Variants in MAP2K5 observed in about 807,000 individuals in gnomAD.
MAP2K5 encodes the protein mitogen-activated protein kinase kinase 5.
Under a neutral mutation model 83.1 loss-of-function variants are expected in MAP2K5, and 49 were observed. That is an observed-to-expected ratio of 0.59 (90% confidence interval 0.47 to 0.75). The LOEUF is 0.75. Among genes scored for constraint, MAP2K5 ranks in the 30% least tolerant of loss-of-function variants. MAP2K5 has a pLI of 0.00. For synonymous variants in MAP2K5, 202 were observed against 191.8 expected, an observed-to-expected ratio of 1.05 and a Z score of -0.44; for missense variants, 457 against 557.5, an observed-to-expected ratio of 0.82 and a Z score of 1.82.
chr15:67,767,191 C>A (rs1482814289), intron 19 of MAP2K5, among the ~76,000 whole-genome samples: 1 of 152,160 alleles, frequency 6.6e-6, no homozygotes, highest in African/African-American at 2.4e-5. Context: ...ATTAACTACC[C>A]ATGCAAGATG....
rs553358490 is a variant in MAP2K5 at position 67,794,934 on chromosome 15, TATG to T, written c.1243-11706_1243-11704del. Among the ~76,000 whole-genome samples the T allele has an allele frequency of 3.9e-5, 6 of 152,244 alleles. No individual in the cohort carries two copies. The highest frequency in any genetic ancestry group is 8.8e-5 in the Non-Finnish European group (6 of 68,044). ...ATGAAATGCTTTGAAAAGTTAAAACTATGATGATAGGACTCTGAAACCTCTGAC... is the reference window on the plus strand; with the variant it reads ...ATGAAATGCTTTGAAAAGTTAAAACTATGATAGGACTCTGAAACCTCTGAC... On this transcript the variant is annotated intron_variant, in intron 21 of 21. Transcript: ENST00000178640. This position sits in a 1 kb window ranked among gnomAD's most constrained non-coding sequence, Gnocchi z 4.6.
rs780946703 is a variant in MAP2K5 at position 67,630,952 on chromosome 15, A to G, written c.585+25A>G. Reference sequence around the variant, plus strand: ...GGTAAGTACTGGATACATTTTATGAAATTCTTGATGTTCACCTCTTTCCTT... The same window carrying G: ...GGTAAGTACTGGATACATTTTATGAGATTCTTGATGTTCACCTCTTTCCTT... On this transcript the variant is annotated intron_variant, in intron 9 of 21. Coordinates refer to ENST00000178640, the MANE Select transcript of MAP2K5 (RefSeq NM_145160.3). The G allele has an allele frequency of 3.2e-6, 5 of 1,564,734 alleles. 1 individual carries two copies. Among genetic ancestry groups the G allele is most frequent in the African/African-American group, 2.7e-5 (2 of 73,692 alleles).
rs1426392083 is a variant in MAP2K5 at position 67,562,893 on chromosome 15, A to G, written c.185-390A>G. Among the ~76,000 whole-genome samples the G allele has an allele frequency of 6.6e-6, 1 of 152,068 alleles. No individual in the cohort carries two copies. The highest frequency in any genetic ancestry group is 1.5e-5 in the Non-Finnish European group (1 of 68,010). On this transcript the variant is annotated intron_variant, in intron 2 of 21. Transcript: ENST00000178640. This position sits in a 1 kb window ranked among gnomAD's most constrained non-coding sequence, Gnocchi z 4.1. ...TGAGATGATAGATTGCCTGGGAGAG[A>G]GGAAGAATGGAGAAATCGGGGTATG...
intron 8 of MAP2K5, among the ~76,000 whole-genome samples, chr15:67,605,399 G>A (rs1412010080): frequency 1.3e-5 from 2 of 152,110 alleles, no homozygotes; most frequent in East Asian, 1.9e-4. Flanking sequence ...TTATAGTTGT[G>A]TTGAACTAAC....
chr15:67,794,282 GTTCT>G lies in MAP2K5; in HGVS notation c.1243-12361_1243-12358del, dbSNP rs531373937. The stretch of plus-strand genomic sequence containing the variant: ...ATAACAGAATAGTTAAATACCACAG[GTTCT>G]TTGTGTTTTGTTTTAGAAAATATTG... On this transcript the variant is annotated intron_variant, in intron 21 of 21. Coordinates refer to ENST00000178640, the MANE Select transcript of MAP2K5 (RefSeq NM_145160.3). The surrounding 1 kb of genome is among the most constrained non-coding windows in gnomAD (Gnocchi z 4.6). Among the ~76,000 whole-genome samples, 127 of 152,284 alleles carry G rather than the reference GTTCT, an allele frequency of 8.3e-4. No homozygotes were observed. Among genetic ancestry groups the G allele is most frequent in the African/African-American group, 2.8e-3 (116 of 41,548 alleles).
intron 16 of MAP2K5, among the ~76,000 whole-genome samples, chr15:67,718,468 AAAATTTTT>A (rs2088877357): frequency 6.6e-6 from 1 of 152,162 alleles, no homozygotes; most frequent in Non-Finnish European, 1.5e-5. Flanking sequence ...TCATTTTTAA[AAAATTTTT>A]ATGGGGGCTG....
At chr15:67,607,206 C>T (rs1208753761) in intron 8 of MAP2K5, among the ~76,000 whole-genome samples, 2 of 152,190 alleles carry the variant, frequency 1.3e-5, no homozygotes, top group Non-Finnish European at 2.9e-5. Flanking sequence ...AACAAGACAT[C>T]ATCCTAATGC....
At chr15:67,631,014 G>T in intron 9 of MAP2K5, 87 bp downstream of exon 9, 1 of 1,105,470 alleles carries the variant, frequency 9.0e-7, no homozygotes, top group East Asian at 2.4e-5. Flanking sequence ...TTGTCAAAGA[G>T]GAGATGAAAT....
intron 8 of MAP2K5, among the ~76,000 whole-genome samples, chr15:67,623,545 T>C (rs1184560289): frequency 6.6e-6 from 1 of 152,204 alleles, no homozygotes; most frequent in Non-Finnish European, 1.5e-5. Flanking sequence ...TAAGTCTGTT[T>C]TGGCAGCTTT....
intron 3 of MAP2K5, among the ~76,000 whole-genome samples, chr15:67,567,656 G>T (rs1281187572): frequency 1.3e-5 from 2 of 152,050 alleles, no homozygotes; most frequent in Admixed American, 6.5e-5. Context: ...GAGCCACCGC[G>T]CCCGGCCTAA....
rs1305545221 is a variant in MAP2K5, at chr15:67,665,248, C to G, written c.847+603C>G. Among the ~76,000 whole-genome samples the G allele has an allele frequency of 1.3e-5, 2 of 152,006 alleles. No homozygotes were observed. Among genetic ancestry groups the G allele is most frequent in the Admixed American group, 1.3e-4 (2 of 15,246 alleles). On this transcript the variant is annotated intron_variant, in intron 13 of 21. Coordinates refer to ENST00000178640, the MANE Select transcript of MAP2K5 (RefSeq NM_145160.3). This position sits in a 1 kb window ranked among gnomAD's most constrained non-coding sequence, Gnocchi z 4.2. Reference sequence around the variant, plus strand: ...ATAGTCCCCTTGTCTAGTAACAGAACACATGAGAGAATAATCAGATGAGTG... The same window carrying G: ...ATAGTCCCCTTGTCTAGTAACAGAAGACATGAGAGAATAATCAGATGAGTG...
chr15:67,762,675 T>A (rs868036), intron 19 of MAP2K5, among the ~76,000 whole-genome samples: 93,750 of 151,464 alleles, frequency 0.62, 29,672 homozygotes, highest in Non-Finnish European at 0.68. Context: ...TCCAAAACAC[T>A]TTTAGGAGAA....
rs1458066731 is a variant in MAP2K5, at chr15:67,644,248, A to G, written c.586-1983A>G. On this transcript the variant is annotated intron_variant, in intron 9 of 21. Transcript: ENST00000178640. The surrounding 1 kb of genome is among the most constrained non-coding windows in gnomAD (Gnocchi z 4.6). ...GTCTGCGCTAAAAATAGAAAAATCA[A>G]CCGGGTGTGGTGGCAGGTGCCTGTA... Among the ~76,000 whole-genome samples, 1 of 151,790 alleles carries G rather than the reference A, an allele frequency of 6.6e-6. No homozygotes were observed. Among genetic ancestry groups the G allele is most frequent in the African/African-American group, 2.4e-5 (1 of 41,278 alleles).
At chr15:67,766,468 C>T (rs1438662978) in intron 19 of MAP2K5, among the ~76,000 whole-genome samples, 1 of 152,214 alleles carries the variant, frequency 6.6e-6, no homozygotes, top group Non-Finnish European at 1.5e-5. Flanking sequence ...AAATATATTT[C>T]TCCATCTTGC....
Position 67,748,449 on chromosome 15 carries a change from G to A in MAP2K5, c.1102-120G>A, listed in dbSNP as rs996804791. 3.3e-6 allele frequency: 3 copies of A among 902,458 alleles called. No individual in the cohort carries two copies. The highest frequency in any genetic ancestry group is 3.3e-5 in the African/African-American group (2 of 59,862). The allele number at this position is 902,458 out of a possible 1,614,324, so 55.9% of individuals were successfully genotyped here. On this transcript the variant is annotated intron_variant, in intron 18 of 21. Transcript: ENST00000178640. This position sits in a 1 kb window ranked among gnomAD's most constrained non-coding sequence, Gnocchi z 4.0. Reference sequence around the variant, plus strand: ...CCTGAGCATCAATGTTTTTATAAGAGTTTGCTGTTGTTGATTAATCTTGCT... The same window carrying A: ...CCTGAGCATCAATGTTTTTATAAGAATTTGCTGTTGTTGATTAATCTTGCT...
chr15:67,724,974 GGT>G lies in MAP2K5; in HGVS notation c.1045-2941_1045-2940del, dbSNP rs2089056599. Among the ~76,000 whole-genome samples, 1 of 152,182 alleles carries G rather than the reference GGT, an allele frequency of 6.6e-6. No individual in the cohort carries two copies. Among genetic ancestry groups the G allele is most frequent in the Admixed American group, 6.5e-5 (1 of 15,282 alleles). Reference sequence around the variant, plus strand: ...ATTCTCTGTCTTCTAACTCTAAAGAGGTCAGACCTGCAAGATGTCTTACAAGC... The same window carrying G: ...ATTCTCTGTCTTCTAACTCTAAAGAGCAGACCTGCAAGATGTCTTACAAGC... On this transcript the variant is annotated intron_variant, in intron 16 of 21. Coordinates refer to ENST00000178640, the MANE Select transcript of MAP2K5 (RefSeq NM_145160.3). The surrounding 1 kb of genome is among the most constrained non-coding windows in gnomAD (Gnocchi z 4.4).
At position 67,770,924 on chromosome 15, in the gene MAP2K5, T is replaced by TA. The variant is rs2090129518; in HGVS notation, c.1196+1262dup. Among the ~76,000 whole-genome samples, 1 of 152,182 alleles carries TA rather than the reference T, an allele frequency of 6.6e-6. No individual in the cohort carries two copies. The highest frequency in any genetic ancestry group is 2.4e-5 in the African/African-American group (1 of 41,442). ...ACTGTTTCTATTTATTTAAAATACT[T>TA]ATATAATATTGTGTAGCTTTTAAAA... is the stretch of plus-strand genomic sequence containing the variant. On this transcript the variant is annotated intron_variant, in intron 20 of 21. Transcript: ENST00000178640. The surrounding 1 kb of genome is among the most constrained non-coding windows in gnomAD (Gnocchi z 5.0).
At chr15:67,614,270 T>C (rs1264357573) in intron 8 of MAP2K5, among the ~76,000 whole-genome samples, 4 of 152,196 alleles carry the variant, frequency 2.6e-5, no homozygotes, top group Admixed American at 2.0e-4. Flanking sequence ...GGAAATCAAA[T>C]AGCTTTACTA....
intron 11 of MAP2K5, among the ~76,000 whole-genome samples, chr15:67,656,371 A>G (rs2087079270): frequency 6.8e-6 from 1 of 147,408 alleles, no homozygotes; most frequent in Admixed American, 6.9e-5. Context: ...GTCACCCAGG[A>G]TGTAGTGCAG....
Sources: gnomAD v4.1 joint callset for allele counts (sites outside exome capture counted in the v4.1 genomes callset) on GRCh38, gnomAD v4.1.1 for gene constraint, Gnocchi (gnomAD v3.1) non-coding constraint, MANE v1.5 for transcripts, NCBI Gene and HGNC (gene_info 2026-07-23, HGNC 2026-07-21) for gene names.